ARMCX4: variants seen among roughly 807,000 people sequenced by gnomAD.
The protein encoded by ARMCX4 is armadillo repeat-containing X-linked protein 4.
A neutral mutation model predicts 34.7 loss-of-function variants in ARMCX4; 3 were observed. The ratio of observed to expected loss-of-function variants is 0.09; its 90% confidence interval spans 0.04 to 0.22. The LOEUF (loss-of-function observed/expected upper bound fraction) is 0.22, where lower values mean the gene tolerates loss of function less well. ARMCX4 is among the 10% of genes least tolerant of loss of function. The pLI, the probability that ARMCX4 is intolerant of heterozygous loss-of-function variation, is 1.00. For synonymous variants in ARMCX4, 513 were observed against 632.8 expected, an observed-to-expected ratio of 0.81 and a Z score of 2.84; for missense variants, 1,448 against 1,720.8, an observed-to-expected ratio of 0.84 and a Z score of 2.81.
chrX:101,504,891 G>C (rs1934411631), intron 7 of ARMCX4: 1 of 111,793 alleles, frequency 8.9e-6, no homozygotes. Flanking sequence ...AGTGAGGAAT[G>C]AATGGGGAGG....
At chrX:101,439,597 G>A (rs1480549937) in intron 2 of ARMCX4, among the ~76,000 whole-genome samples, 8 of 111,791 alleles carry the variant, frequency 7.2e-5, no homozygotes, top group African/African-American at 9.8e-5. Context: ...CATTCTCCCC[G>A]TCACTTTCAG....
intron 4 of ARMCX4, among the ~76,000 whole-genome samples, chrX:101,466,409 T>G (rs1352550778): frequency 1.8e-5 from 2 of 111,658 alleles, no homozygotes; most frequent in Non-Finnish European, 3.8e-5. Context: ...AATAAAAACA[T>G]AGGTCCACAC....
chrX:101,492,390 T>G lies in ARMCX4; in HGVS notation c.3801T>G (p.Thr1267=), dbSNP rs1292687951. ...VGEEAIGGSW[T]GAENQASEGS... ...AAGAGGCCATTGGAGGGTCCTGGACTGGGGCTGAGAACCAAGCCAGTGAAG... is the reference window on the plus strand; with the variant it reads ...AAGAGGCCATTGGAGGGTCCTGGACGGGGGCTGAGAACCAAGCCAGTGAAG... Residue 1267 remains threonine, a synonymous_variant, in exon 6 of 6, where the codon ACT becomes ACG. Transcript: ENST00000423738. 9 of 1,151,986 alleles carry G rather than the reference T, an allele frequency of 7.8e-6. No homozygotes were observed. The highest frequency in any genetic ancestry group is 1.0e-5 in the Non-Finnish European group (9 of 871,915). 94.9% of individuals were successfully genotyped at this position (1,151,986 alleles called of 1,213,427 possible). A position where few individuals can be genotyped will look rare whatever the true frequency, so the allele number is the denominator to read the frequency against.
Position 101,454,432 on chromosome X carries a change from C to T in ARMCX4, c.-473+8388C>T, listed in dbSNP as rs191590047. Among the ~76,000 whole-genome samples, 12 of 108,124 alleles carry T rather than the reference C, an allele frequency of 1.1e-4. No individual in the cohort carries two copies. The East Asian group carries it at 2.0e-3, about 18-fold the overall frequency. The allele number at this position is 108,124 out of a possible 115,157, so 93.9% of individuals were successfully genotyped here. ...CTGGGACTATAGGTGCCTGCCACCA[C>T]GCCCAGCTATTTGTTTTTGTATTTT... is the stretch of plus-strand genomic sequence containing the variant. On this transcript the variant is annotated intron_variant and NMD_transcript_variant, in intron 4 of 15. Transcript: ENST00000433011.
rs782290494 is a variant in ARMCX4, at chrX:101,493,179, T to A, written c.4590T>A (p.Asp1530Glu). ...GGSWGGASGQ[D>E]VGGSRPGPTN... ...CTTGGGGTGGGGCTAGTGGCCAGGA[T>A]GTTGGAGGGTCTAGGCCAGGGCCCA... Residue 1530 changes from aspartate to glutamate, a missense_variant, in exon 6 of 6, where the codon GAT becomes GAA. Coordinates refer to ENST00000423738, the MANE Select transcript of ARMCX4 (RefSeq NM_001256155.3). 9 of 1,151,203 alleles carry A rather than the reference T, an allele frequency of 7.8e-6. No homozygotes were observed. The African/African-American group carries it at 1.1e-4, about 14-fold the overall frequency. 94.9% of individuals were successfully genotyped at this position (1,151,203 alleles called of 1,213,427 possible). A position where few individuals can be genotyped will look rare whatever the true frequency, so the allele number is the denominator to read the frequency against.
chrX:101,522,339 T>C (rs1934872394), intron 11 of ARMCX4, among the ~76,000 whole-genome samples: 1 of 111,743 alleles, frequency 8.9e-6, no homozygotes, highest in Admixed American at 9.6e-5. Flanking sequence ...GTTTGCATGG[T>C]ATATCTTTTT....
intron 2 of ARMCX4, among the ~76,000 whole-genome samples, chrX:101,486,748 C>T (rs1556006980): frequency 9.1e-6 from 1 of 109,924 alleles, no homozygotes; most frequent in Non-Finnish European, 1.9e-5. Flanking sequence ...GGCAACATAG[C>T]GAGACTTCAT....
intron 8 of ARMCX4, among the ~76,000 whole-genome samples, chrX:101,506,696 G>A (rs1254212548): frequency 9.9e-5 from 11 of 111,008 alleles, no homozygotes; most frequent in African/African-American, 3.6e-4. Context: ...TGAATTTTGC[G>A]GGGACACAAC....
chrX:101,497,256 A>C (rs1244335015), downstream of ARMCX4, among the ~76,000 whole-genome samples: 1 of 109,953 alleles, frequency 9.1e-6, no homozygotes, highest in Non-Finnish European at 1.9e-5. Flanking sequence ...TTTTGTTTTA[A>C]GACGGAGTCT....
rs186266716 is a variant in ARMCX4 at position 101,517,503 on chromosome X, G to C, written c.*1780+6448G>C. On this transcript the variant is annotated intron_variant and NMD_transcript_variant, in intron 11 of 12. Coordinates refer to the ARMCX4 transcript ENST00000354842. Reference sequence around the variant, plus strand: ...GACTACAGGTGCATGCCACTATGCTGAGCTAATTCTTTTTTTGTACTTCTG... The same window carrying C: ...GACTACAGGTGCATGCCACTATGCTCAGCTAATTCTTTTTTTGTACTTCTG... 2.2e-3 allele frequency among the ~76,000 whole-genome samples: 241 copies of C among 111,012 alleles called. 1 individual carries two copies. Among genetic ancestry groups the C allele is most frequent in the Non-Finnish European group, 3.4e-3 (180 of 52,984 alleles).
chrX:101,498,656 T>C (rs1556012633), downstream of ARMCX4: 1 of 112,358 alleles, frequency 8.9e-6, no homozygotes, highest in East Asian at 2.8e-4. Context: ...GGTGGAGAAA[T>C]CTGAGGAGTA....
downstream of ARMCX4, among the ~76,000 whole-genome samples, chrX:101,496,391 C>T (rs1389185225): frequency 1.8e-5 from 2 of 110,346 alleles, no homozygotes; most frequent in Non-Finnish European, 3.8e-5. Flanking sequence ...TTACTCCAGG[C>T]ATGAGATAAT....
chrX:101,458,551 A>G (rs1346898372), intron 4 of ARMCX4, among the ~76,000 whole-genome samples: 1 of 103,039 alleles, frequency 9.7e-6, no homozygotes, highest in Non-Finnish European at 1.9e-5. Flanking sequence ...CAATGGCATG[A>G]TCTCGACTCA....
upstream of ARMCX4, among the ~76,000 whole-genome samples, chrX:101,484,067 C>T (rs1933585769): frequency 8.9e-6 from 1 of 111,799 alleles, no homozygotes; most frequent in Non-Finnish European, 1.9e-5. Flanking sequence ...GAAGTTGTAA[C>T]ACAAGGCAGG....
downstream of ARMCX4, among the ~76,000 whole-genome samples, chrX:101,452,397 T>G (rs1366310922): frequency 8.9e-6 from 1 of 112,380 alleles, no homozygotes; most frequent in Non-Finnish European, 1.9e-5. Flanking sequence ...TTTTCACAAC[T>G]AGTCCCTTCA....
intron 11 of ARMCX4, among the ~76,000 whole-genome samples, chrX:101,515,415 C>CTTT (rs1556017547): frequency 1.3e-4 from 1 of 7,699 alleles, no homozygotes; most frequent in African/African-American, 6.9e-4. Context: ...CCCTCCCTCT[C>CTTT]TTCCTTCCTT....
At chrX:101,451,800 G>A (rs1555999133), downstream of ARMCX4, among the ~76,000 whole-genome samples, 1 of 112,272 alleles carries the variant, frequency 8.9e-6, no homozygotes. Flanking sequence ...TAAAAAGAAT[G>A]TAATGTTTTT....
intron 11 of ARMCX4, among the ~76,000 whole-genome samples, chrX:101,526,128 G>A (rs7880860): frequency 0.09 from 10,002 of 111,531 alleles, 603 homozygotes; most frequent in African/African-American, 0.22. Flanking sequence ...GACTAACAGG[G>A]GATCTCTCAG....
At chrX:101,505,633 G>A (rs1365373354) in intron 8 of ARMCX4, among the ~76,000 whole-genome samples, 1 of 111,408 alleles carries the variant, frequency 9.0e-6, no homozygotes, top group Non-Finnish European at 1.9e-5. Context: ...CTTTGGCAGA[G>A]AATAGCGCAG....
Sources: allele counts gnomAD v4.1 joint callset (sites outside exome capture counted in the v4.1 genomes callset), GRCh38; gene constraint gnomAD v4.1.1; transcripts MANE v1.5; gene names NCBI Gene and HGNC (gene_info 2026-07-23, HGNC 2026-07-21).